The following PRELID2 variants were observed in gnomAD, a reference collection of about 807,000 sequenced individuals.
The protein encoded by PRELID2 is PRELI domain-containing protein 2.
In PRELID2, 25 loss-of-function variants were observed where a neutral mutation model predicts 28.4. The observed-to-expected ratio is 0.88, with a 90% CI of 0.64 to 1.23. The LOEUF (loss-of-function observed/expected upper bound fraction) is 1.23. Ranked by LOEUF, PRELID2 falls within the 50% of genes most tolerant of loss-of-function variation. The pLI is 0.00. For synonymous variants in PRELID2, 76 were observed against 71.6 expected (o/e 1.06, Z -0.31); for missense variants, 201 against 214.4 (o/e 0.94, Z 0.39).
At chr5:145,411,733 C>T in the PRELID2 span, among the ~76,000 whole-genome samples, 1 of 152,194 alleles carries the variant, frequency 6.6e-6, no homozygotes, top group African/African-American at 2.4e-5. Flanking sequence ...CCACATTTCC[C>T]TTCTGTAGTG....
At chr5:145,682,033 G>A (rs1441705618) in intron 1 of PRELID2, among the ~76,000 whole-genome samples, 1 of 151,612 alleles carries the variant, frequency 6.6e-6, no homozygotes, top group South Asian at 2.1e-4. Context: ...ATTAGTTCTA[G>A]ATTATTTTTA....
the PRELID2 span, among the ~76,000 whole-genome samples, chr5:145,364,438 G>C: frequency 1.3e-5 from 2 of 151,936 alleles, no homozygotes; most frequent in African/African-American, 4.8e-5. Flanking sequence ...TAAATCATCT[G>C]TCATATTTTC....
chr5:145,464,548 T>C, the PRELID2 span, among the ~76,000 whole-genome samples: 1 of 152,220 alleles, frequency 6.6e-6, no homozygotes, highest in East Asian at 1.9e-4. Context: ...AACTCATTTC[T>C]CATAGGGGAT....
chr5:145,303,688 C>T, the PRELID2 span, among the ~76,000 whole-genome samples: 1 of 152,088 alleles, frequency 6.6e-6, no homozygotes, highest in Non-Finnish European at 1.5e-5. Context: ...CTAGGTTCAC[C>T]AAAATTTAAT....
At chr5:145,509,631 T>C (rs1005824806) in intron 1 of PRELID2, among the ~76,000 whole-genome samples, 1 of 152,358 alleles carries the variant, frequency 6.6e-6, no homozygotes, top group African/African-American at 2.4e-5. Context: ...CATTACTGTG[T>C]TGATAATTTC....
At chr5:145,365,513 G>C in the PRELID2 span, among the ~76,000 whole-genome samples, 1 of 151,836 alleles carries the variant, frequency 6.6e-6, no homozygotes, top group African/African-American at 2.4e-5. Flanking sequence ...TATTTAAAAA[G>C]AAATTTCTGA....
At chr5:145,684,483 T>C (rs1196981424) in intron 1 of PRELID2, among the ~76,000 whole-genome samples, 1 of 152,216 alleles carries the variant, frequency 6.6e-6, no homozygotes, top group African/African-American at 2.4e-5. Flanking sequence ...ATTGTTTCCT[T>C]GTTCCTCTCT....
At chr5:145,426,891 G>A in the PRELID2 span, among the ~76,000 whole-genome samples, 1 of 152,162 alleles carries the variant, frequency 6.6e-6, no homozygotes, top group African/African-American at 2.4e-5. Flanking sequence ...TAGTACCCTG[G>A]TTGAGATGGT....
chr5:145,302,519 T>A, the PRELID2 span, among the ~76,000 whole-genome samples: 1 of 152,128 alleles, frequency 6.6e-6, no homozygotes, highest in Non-Finnish European at 1.5e-5. Context: ...TTTTATTTTT[T>A]ACCTTTTTGA....
the PRELID2 span, among the ~76,000 whole-genome samples, chr5:145,287,333 G>T: frequency 6.6e-6 from 1 of 152,092 alleles, no homozygotes; most frequent in South Asian, 2.1e-4. Flanking sequence ...TGTAATAAAG[G>T]TTATATGAAT....
the PRELID2 span, among the ~76,000 whole-genome samples, chr5:145,323,388 T>C: frequency 6.6e-6 from 1 of 152,224 alleles, no homozygotes; most frequent in African/African-American, 2.4e-5. Context: ...TTAAAGAGTG[T>C]TAAGCAGGGA....
the PRELID2 span, among the ~76,000 whole-genome samples, chr5:145,324,036 C>T: frequency 6.6e-6 from 1 of 152,280 alleles, no homozygotes; most frequent in Non-Finnish European, 1.5e-5. Context: ...TGAGAAATCA[C>T]CAAACTGCTT....
At chr5:145,281,090 A>G in the PRELID2 span, among the ~76,000 whole-genome samples, 1 of 152,166 alleles carries the variant, frequency 6.6e-6, no homozygotes, top group Admixed American at 6.6e-5. Flanking sequence ...AAGAAGTAGC[A>G]AAACTGGTAA....
the PRELID2 span, among the ~76,000 whole-genome samples, chr5:145,430,789 G>T: frequency 2.0e-5 from 3 of 152,136 alleles, no homozygotes; most frequent in Non-Finnish European, 4.4e-5. Flanking sequence ...TTAATAATTT[G>T]ATATCACCAT....
chr5:145,423,942 T>C, the PRELID2 span, among the ~76,000 whole-genome samples: 1 of 150,466 alleles, frequency 6.6e-6, no homozygotes, highest in South Asian at 2.1e-4. Context: ...GTTTGTTAGT[T>C]TTCCTTCTAA....
At chr5:145,796,110 T>C (rs1001517790) in intron 5 of PRELID2, 8 of 169,466 alleles carry the variant, frequency 4.7e-5, no homozygotes, top group African/African-American at 1.2e-4. Flanking sequence ...TCAATAAATA[T>C]TAACTATCAT....
chr5:145,636,829 T>C (rs1007595431), intron 1 of PRELID2, among the ~76,000 whole-genome samples: 1 of 152,232 alleles, frequency 6.6e-6, no homozygotes, highest in African/African-American at 2.4e-5. Flanking sequence ...GATCAAACCG[T>C]AGCCTTAGAG....
chr5:145,383,121 T>G, the PRELID2 span, among the ~76,000 whole-genome samples: 3 of 150,988 alleles, frequency 2.0e-5, no homozygotes, highest in Admixed American at 6.6e-5. Flanking sequence ...AATAAAAAAT[T>G]TACACTGATT....
the PRELID2 span, among the ~76,000 whole-genome samples, chr5:145,299,593 AC>A: frequency 3.3e-5 from 5 of 151,650 alleles, no homozygotes; most frequent in Non-Finnish European, 7.4e-5. Context: ...CTGATTGGAC[AC>A]AGGTTCCATT....
Sources: allele counts gnomAD v4.1 joint callset (sites outside exome capture counted in the v4.1 genomes callset), GRCh38; gene constraint gnomAD v4.1.1; transcripts MANE v1.5; gene names NCBI Gene and HGNC (gene_info 2026-07-23, HGNC 2026-07-21).